PCCA: variants seen among roughly 807,000 people sequenced by gnomAD.
PCCA encodes propionyl-CoA carboxylase alpha chain, mitochondrial.
PCCA carries 74 observed loss-of-function variants against 101.3 expected under a neutral mutation model. The observed-to-expected ratio is 0.73, with a 90% CI of 0.61 to 0.89. The LOEUF is 0.89. PCCA is among the 40% of genes least tolerant of loss of function. PCCA has a pLI of 0.00. For synonymous variants in PCCA, 294 were observed against 313.6 expected (o/e 0.94, Z 0.66); for missense variants, 891 against 907.0 (o/e 0.98, Z 0.23).
intron 19 of PCCA, among the ~76,000 whole-genome samples, chr13:100,422,141 T>TC (rs1401212317): frequency 5.5e-5 from 8 of 146,470 alleles, no homozygotes; most frequent in Admixed American, 2.0e-4. Flanking sequence ...CTTTCTTTTT[T>TC]TTTTTTTTTT....
At chr13:100,372,529 C>T (rs1411038601) in intron 19 of PCCA, among the ~76,000 whole-genome samples, 1 of 152,056 alleles carries the variant, frequency 6.6e-6, no homozygotes, top group Non-Finnish European at 1.5e-5. Context: ...AATATTTTCC[C>T]AGAATTTTCA....
At chr13:100,355,900 G>C (rs1340238577) in intron 18 of PCCA, among the ~76,000 whole-genome samples, 1 of 152,160 alleles carries the variant, frequency 6.6e-6, no homozygotes, top group Admixed American at 6.5e-5. Context: ...AGACAAAGTG[G>C]TACTGGCGTA....
At chr13:100,343,023 C>T (rs552171533) in intron 18 of PCCA, among the ~76,000 whole-genome samples, 4 of 152,106 alleles carry the variant, frequency 2.6e-5, no homozygotes, top group Non-Finnish European at 5.9e-5. Flanking sequence ...TGGGCGAAAC[C>T]TTGTGTCTGC....
intron 7 of PCCA, among the ~76,000 whole-genome samples, chr13:100,220,413 C>T (rs1333016734): frequency 6.7e-6 from 1 of 149,886 alleles, no homozygotes. Flanking sequence ...GTCTGAGCCA[C>T]CATGCCTGAC....
At chr13:100,119,903 C>A (rs1426130723) in intron 4 of PCCA, among the ~76,000 whole-genome samples, 8 of 151,882 alleles carry the variant, frequency 5.3e-5, no homozygotes, top group Non-Finnish European at 8.8e-5. Flanking sequence ...CGGAGTTTTG[C>A]TCTTGTTGTC....
At chr13:100,215,460 G>T (rs1039528976) in intron 7 of PCCA, among the ~76,000 whole-genome samples, 2 of 151,942 alleles carry the variant, frequency 1.3e-5, no homozygotes, top group Admixed American at 1.3e-4. Context: ...CTGGAAGGTG[G>T]GGCTATATTC....
chr13:100,255,602 A>G (rs1343801699), intron 8 of PCCA, among the ~76,000 whole-genome samples: 1 of 152,188 alleles, frequency 6.6e-6, no homozygotes, highest in Non-Finnish European at 1.5e-5. Context: ...GTAAGGATCT[A>G]TTAAGTTGTT....
At chr13:100,132,666 G>A (rs930461527) in intron 4 of PCCA, among the ~76,000 whole-genome samples, 7 of 152,048 alleles carry the variant, frequency 4.6e-5, no homozygotes, top group African/African-American at 1.2e-4. Context: ...TCTAGGAGTG[G>A]GATTGCTGGT....
chr13:100,443,177 T>G (rs2080507654), intron 20 of PCCA, among the ~76,000 whole-genome samples: 1 of 152,250 alleles, frequency 6.6e-6, no homozygotes, highest in African/African-American at 2.4e-5. Flanking sequence ...ACCGTCTGTT[T>G]CTATGGGGCT....
chr13:100,289,840 T>G (rs930519414), intron 12 of PCCA, among the ~76,000 whole-genome samples: 1 of 152,186 alleles, frequency 6.6e-6, no homozygotes, highest in African/African-American at 2.4e-5. Context: ...TTAGCTCCCA[T>G]GTATACAGCC....
chr13:100,203,216 G>A (rs1422311799), intron 6 of PCCA, among the ~76,000 whole-genome samples: 2 of 150,392 alleles, frequency 1.3e-5, no homozygotes, highest in African/African-American at 2.5e-5. Flanking sequence ...GGAGGTTGCA[G>A]TGAGCTGAGG....
At position 100,348,356 on chromosome 13, in the gene PCCA, G is replaced by C. The variant is rs557189137; in HGVS notation, c.1643+8097G>C. ...TGGTTCATTTTAGAAAAAAAGAAAA[G>C]TTAATGTCAGAAACAATAGCCATTT... On this transcript the variant is annotated intron_variant, in intron 18 of 23. Transcript: ENST00000376285. Among the ~76,000 whole-genome samples the C allele has an allele frequency of 7.9e-5, 12 of 152,252 alleles. No individual in the cohort carries two copies. The South Asian group carries it at 2.3e-3, about 29-fold the overall frequency.
intron 9 of PCCA, 121 bp from the exon 10 acceptor site, chr13:100,262,608 T>G (rs557259698): frequency 2.9e-6 from 2 of 688,708 alleles, no homozygotes; most frequent in African/African-American, 3.6e-5. Context: ...TTTAATCGAT[T>G]GTGTTTTCTT....
At chr13:100,386,397 G>A (rs984395826) in intron 19 of PCCA, among the ~76,000 whole-genome samples, 16 of 151,618 alleles carry the variant, frequency 1.1e-4, no homozygotes, top group South Asian at 2.1e-4. Flanking sequence ...TTTTTAAGAC[G>A]GAATCTCGCT....
chr13:100,100,528 T>C (rs2047179397), intron 1 of PCCA, among the ~76,000 whole-genome samples: 1 of 152,256 alleles, frequency 6.6e-6, no homozygotes, highest in African/African-American at 2.4e-5. Context: ...TAAAATTCTG[T>C]GTAGAGGTCC....
intron 19 of PCCA, among the ~76,000 whole-genome samples, chr13:100,416,229 C>T (rs889093707): frequency 6.6e-6 from 1 of 151,718 alleles, no homozygotes; most frequent in Non-Finnish European, 1.5e-5. Flanking sequence ...CGCTCTGTCG[C>T]CCAGGCTGGA....
At chr13:100,437,153 G>C (rs1439867177) in intron 20 of PCCA, among the ~76,000 whole-genome samples, 1 of 152,124 alleles carries the variant, frequency 6.6e-6, no homozygotes, top group Admixed American at 6.5e-5. Flanking sequence ...TTTCTCAAAG[G>C]CTTGTGCATG....
At chr13:100,095,734 A>AT (rs1195636853) in intron 1 of PCCA, among the ~76,000 whole-genome samples, 7 of 152,288 alleles carry the variant, frequency 4.6e-5, no homozygotes, top group African/African-American at 1.7e-4. Flanking sequence ...AGTGAACTGA[A>AT]TGAGGGGGTG....
rs1198792382 is a variant in PCCA, at chr13:100,515,379, A to G, written c.1900-48A>G. On this transcript the variant is annotated intron_variant, in intron 21 of 23. Coordinates refer to ENST00000376285, the MANE Select transcript of PCCA (RefSeq NM_000282.4). Reference sequence around the variant, plus strand: ...TTAGAATGAATGCTACTTTTGAGGAAAATTTCATTTAAACTCATTTATGGT... The same window carrying G: ...TTAGAATGAATGCTACTTTTGAGGAGAATTTCATTTAAACTCATTTATGGT... The G allele has an allele frequency of 3.2e-6, 5 of 1,579,918 alleles. No individual in the cohort carries two copies. The Admixed American group carries it at 8.4e-5, about 26-fold the overall frequency.
Sources: allele counts gnomAD v4.1 joint callset (sites outside exome capture counted in the v4.1 genomes callset), GRCh38; gene constraint gnomAD v4.1.1; transcripts MANE v1.5; gene names NCBI Gene and HGNC (gene_info 2026-07-23, HGNC 2026-07-21).